The following DCX variants were observed in gnomAD, a reference collection of about 807,000 sequenced individuals.
The protein encoded by DCX is doublecortin.
Under a neutral mutation model 20.9 loss-of-function variants are expected in DCX, and 4 were observed. The observed-to-expected ratio is 0.19, with a 90% CI of 0.09 to 0.44. The LOEUF (loss-of-function observed/expected upper bound fraction) is 0.44, where lower values mean the gene tolerates loss of function less well. Ranked by LOEUF, DCX falls within the 20% of genes least tolerant of loss-of-function variation. The pLI, the probability that DCX is intolerant of heterozygous loss-of-function variation, is 0.99. For missense variants in DCX, 133 were observed against 296.9 expected, an observed-to-expected ratio of 0.45 and a Z score of 4.06; for synonymous variants, 103 against 111.4, an observed-to-expected ratio of 0.92 and a Z score of 0.47.
At chrX:111,309,838 A>C (rs1297681771) in intron 6 of DCX, among the ~76,000 whole-genome samples, 2 of 112,023 alleles carry the variant, frequency 1.8e-5, no homozygotes, top group Non-Finnish European at 3.8e-5. Flanking sequence ...GGACCAGAAA[A>C]AGAACATTAT....
intron 3 of DCX, among the ~76,000 whole-genome samples, chrX:111,384,767 T>A (rs919661973): frequency 8.0e-5 from 9 of 112,408 alleles, no homozygotes; most frequent in Admixed American, 4.7e-4. Context: ...ATGGAATTAT[T>A]TCTAGACATT....
At chrX:111,392,116 C>T (rs781490218) in intron 3 of DCX, among the ~76,000 whole-genome samples, 156 of 111,434 alleles carry the variant, frequency 1.4e-3, no homozygotes, top group Non-Finnish European at 2.6e-3. Context: ...AAGAAACCTT[C>T]ATGTTTCCTT....
At chrX:111,351,304 C>T (rs1923283963) in intron 3 of DCX, among the ~76,000 whole-genome samples, 1 of 112,192 alleles carries the variant, frequency 8.9e-6, no homozygotes, top group South Asian at 3.7e-4. Context: ...CTGGGTGTTA[C>T]ACCTTATCGA....
chrX:111,349,164 C>T (rs962098842), intron 3 of DCX, among the ~76,000 whole-genome samples: 3 of 111,427 alleles, frequency 2.7e-5, no homozygotes, highest in African/African-American at 9.8e-5. Context: ...GTCTATAGAT[C>T]CCAAATTAAG....
chrX:111,316,772 C>T (rs1474454452), intron 5 of DCX, among the ~76,000 whole-genome samples: 1 of 111,490 alleles, frequency 9.0e-6, no homozygotes, highest in Non-Finnish European at 1.9e-5. Flanking sequence ...CCTTCCGAGA[C>T]ACCAACAACA....
chrX:111,352,991 G>C, intron 3 of DCX, among the ~76,000 whole-genome samples: 1 of 111,748 alleles, frequency 8.9e-6, no homozygotes, highest in Non-Finnish European at 1.9e-5. Context: ...CATCAACTCT[G>C]TACTGAAGAA....
intron 2 of DCX, among the ~76,000 whole-genome samples, chrX:111,403,852 C>A (rs2147266721): frequency 9.0e-6 from 1 of 110,611 alleles, no homozygotes; most frequent in South Asian, 3.8e-4. Flanking sequence ...TCAAGAGCAG[C>A]CTGGACAACA....
chrX:111,384,801 C>T (rs1227344966), intron 3 of DCX, among the ~76,000 whole-genome samples: 1 of 112,329 alleles, frequency 8.9e-6, no homozygotes, highest in Non-Finnish European at 1.9e-5. Flanking sequence ...TTAAGATTGG[C>T]TATTTTGGAA....
chrX:111,349,200 G>A (rs1360796478), intron 3 of DCX, among the ~76,000 whole-genome samples: 1 of 111,542 alleles, frequency 9.0e-6, no homozygotes, highest in East Asian at 2.8e-4. Context: ...TGATTTCTGA[G>A]GTCTCTTCTA....
At chrX:111,335,080 CT>C (rs1921601871) in intron 3 of DCX, among the ~76,000 whole-genome samples, 3 of 111,801 alleles carry the variant, frequency 2.7e-5, no homozygotes, top group Non-Finnish European at 5.6e-5. Context: ...AACTATTTAC[CT>C]GCCGCCACAT....
At chrX:111,317,412 T>A (rs1399329409) in intron 5 of DCX, among the ~76,000 whole-genome samples, 1 of 108,995 alleles carries the variant, frequency 9.2e-6, no homozygotes, top group Non-Finnish European at 1.9e-5. Flanking sequence ...TTACACCATA[T>A]ACAAAAATTA....
chrX:111,342,226 G>T (rs1922309919), intron 3 of DCX, among the ~76,000 whole-genome samples: 1 of 95,156 alleles, frequency 1.1e-5, no homozygotes, highest in Non-Finnish European at 2.1e-5. Flanking sequence ...AAAAGCAGGA[G>T]TTGCAATCCC....
intron 3 of DCX, among the ~76,000 whole-genome samples, chrX:111,338,609 G>T (rs1465176002): frequency 2.9e-5 from 3 of 102,271 alleles, no homozygotes; most frequent in Non-Finnish European, 4.0e-5. Context: ...TCAAACTCAT[G>T]TTTCTGGGGT....
chrX:111,358,545 C>T (rs1923946519), intron 3 of DCX, among the ~76,000 whole-genome samples: 1 of 111,967 alleles, frequency 8.9e-6, no homozygotes, highest in Admixed American at 9.5e-5. Flanking sequence ...ATTAGAACTA[C>T]TGGACAGAAA....
At chrX:111,386,290 G>T (rs1926511424) in intron 3 of DCX, among the ~76,000 whole-genome samples, 1 of 111,305 alleles carries the variant, frequency 9.0e-6, no homozygotes, top group South Asian at 3.9e-4. Context: ...CTGAACCACA[G>T]CCAGCGCTGT....
intron 3 of DCX, among the ~76,000 whole-genome samples, chrX:111,377,525 C>T (rs987819252): frequency 2.7e-5 from 3 of 110,838 alleles, no homozygotes; most frequent in Admixed American, 9.6e-5. Flanking sequence ...AAGCAGAGAT[C>T]GAAGTCCCTT....
chrX:111,320,841 TCACACACACA>T (rs969600224), intron 5 of DCX, among the ~76,000 whole-genome samples: 2 of 103,596 alleles, frequency 1.9e-5, no homozygotes, highest in African/African-American at 7.4e-5. Context: ...TCTCTCTCTC[TCACACACACA>T]CACACACACA....
intron 3 of DCX, among the ~76,000 whole-genome samples, chrX:111,369,569 T>A (rs1279575782): frequency 9.0e-6 from 1 of 111,645 alleles, no homozygotes; most frequent in South Asian, 3.8e-4. Context: ...AAGGGGATGG[T>A]CCCAAAAGGG....
chrX:111,370,969 G>T (rs1339371254), intron 3 of DCX, among the ~76,000 whole-genome samples: 1 of 111,328 alleles, frequency 9.0e-6, no homozygotes. Context: ...TGCTATATTT[G>T]CTTTATTACA....
Sources: gnomAD v4.1 joint callset for allele counts (sites outside exome capture counted in the v4.1 genomes callset) on GRCh38, gnomAD v4.1.1 for gene constraint, MANE v1.5 for transcripts, NCBI Gene and HGNC (gene_info 2026-07-23, HGNC 2026-07-21) for gene names.